The following RBFOX1 variants were observed in gnomAD, a reference collection of about 807,000 sequenced individuals.
RBFOX1 encodes RNA binding protein fox-1 homolog 1.
A neutral mutation model predicts 57.7 loss-of-function variants in RBFOX1; 8 were observed. The observed-to-expected ratio is 0.14, with a 90% CI of 0.08 to 0.25. The LOEUF (loss-of-function observed/expected upper bound fraction) is 0.25, where lower values mean the gene tolerates loss of function less well. Ranked by LOEUF, RBFOX1 falls within the 10% of genes least tolerant of loss-of-function variation. RBFOX1 has a pLI of 1.00. For synonymous variants in RBFOX1, 326 were observed against 222.4 expected (o/e 1.47, Z -4.15); for missense variants, 611 against 548.5 (o/e 1.11, Z -1.14).
intron 3 of RBFOX1, among the ~76,000 whole-genome samples, chr16:6,993,151 CTTTCTT>C (rs2091771657): frequency 6.6e-6 from 1 of 152,172 alleles, no homozygotes; most frequent in African/African-American, 2.4e-5. Context: ...GTAACACTGA[CTTTCTT>C]TTCTTTGTCT....
chr16:7,279,095 T>G (rs1020327767), intron 4 of RBFOX1, among the ~76,000 whole-genome samples: 5 of 151,948 alleles, frequency 3.3e-5, no homozygotes, highest in African/African-American at 1.2e-4. Context: ...GACTCTTTTT[T>G]TTTTTTAATG....
At position 6,780,270 on chromosome 16, in the gene RBFOX1, CATATATATATTTATACAT is replaced by C. The variant is rs1321569006; in HGVS notation, c.-16+125629_-16+125646del. On this transcript the variant is annotated intron_variant, in intron 3 of 15. Transcript: ENST00000550418. ...ATATATATTTATATATATATTTATA[CATATATATATTTATACAT>C]ATATATATTTATACATATATATATT... 6.9e-5 allele frequency among the ~76,000 whole-genome samples: 3 copies of C among 43,232 alleles called. 1 individual carries two copies. Among genetic ancestry groups the C allele is most frequent in the Middle Eastern group, 0.056 (2 of 36 alleles). 28.4% of individuals were successfully genotyped at this position (43,232 alleles called of 152,430 possible). A position where few individuals can be genotyped will look rare whatever the true frequency, so the allele number is the denominator to read the frequency against.
intron 2 of RBFOX1, among the ~76,000 whole-genome samples, chr16:6,409,838 C>G (rs1378689570): frequency 2.0e-5 from 3 of 152,158 alleles, no homozygotes; most frequent in Non-Finnish European, 4.4e-5. Context: ...TTCCGGAGAT[C>G]TGAGATAATC....
chr16:5,383,954 C>T (rs1044962556), intron 1 of RBFOX1, among the ~76,000 whole-genome samples: 1 of 152,190 alleles, frequency 6.6e-6, no homozygotes, highest in Non-Finnish European at 1.5e-5. Context: ...TCTTCTTTGC[C>T]TATTCTGCAT....
chr16:5,964,603 G>A (rs1016986350), intron 4 of RBFOX1, among the ~76,000 whole-genome samples: 1 of 151,460 alleles, frequency 6.6e-6, no homozygotes, highest in Non-Finnish European at 1.5e-5. Context: ...CTATATCTAT[G>A]TATATATATA....
chr16:6,703,413 A>G (rs1352461437), intron 3 of RBFOX1, among the ~76,000 whole-genome samples: 1 of 151,970 alleles, frequency 6.6e-6, no homozygotes, highest in Non-Finnish European at 1.5e-5. Flanking sequence ...ATCTCTACAG[A>G]AAATATAAAA....
At chr16:6,647,610 A>T (rs2098544367) in intron 2 of RBFOX1, among the ~76,000 whole-genome samples, 1 of 152,218 alleles carries the variant, frequency 6.6e-6, no homozygotes, top group Admixed American at 6.5e-5. Flanking sequence ...CCCATCTCCA[A>T]ATACAGCCAC....
intron 5 of RBFOX1, among the ~76,000 whole-genome samples, chr16:7,553,387 C>A (rs767840503): frequency 2.0e-5 from 3 of 152,224 alleles, no homozygotes; most frequent in Admixed American, 1.3e-4. Context: ...CCAAGTGATC[C>A]TCTAGCATTG....
intron 4 of RBFOX1, among the ~76,000 whole-genome samples, chr16:7,448,850 A>G (rs1265485685): frequency 6.6e-6 from 1 of 151,214 alleles, no homozygotes; most frequent in East Asian, 1.9e-4. Context: ...ATCCGGTATA[A>G]TCTCATCTTA....
chr16:7,403,483 C>T (rs959880077), intron 4 of RBFOX1, among the ~76,000 whole-genome samples: 3 of 151,644 alleles, frequency 2.0e-5, no homozygotes, highest in South Asian at 2.1e-4. Flanking sequence ...GATCTTACAG[C>T]GTTTGTCTTT....
chr16:5,471,906 C>T (rs138700823), intron 2 of RBFOX1, among the ~76,000 whole-genome samples: 7 of 152,226 alleles, frequency 4.6e-5, no homozygotes, highest in African/African-American at 7.2e-5. Flanking sequence ...CCCTCAGCCC[C>T]GCTTCATGCA....
intron 3 of RBFOX1, among the ~76,000 whole-genome samples, chr16:6,777,439 C>G (rs923973206): frequency 3.9e-5 from 6 of 152,142 alleles, no homozygotes; most frequent in African/African-American, 1.2e-4. Context: ...CCAAATAACA[C>G]TAGGTATCAG....
intron 1 of RBFOX1, among the ~76,000 whole-genome samples, chr16:5,384,568 A>G (rs115491262): frequency 1.4e-3 from 209 of 152,304 alleles, no homozygotes; most frequent in African/African-American, 4.9e-3. Context: ...GAGCCTAGAA[A>G]CAGAAGAAAT....
At chr16:5,623,855 T>G (rs2048270410) in intron 3 of RBFOX1, among the ~76,000 whole-genome samples, 1 of 152,190 alleles carries the variant, frequency 6.6e-6, no homozygotes, top group Non-Finnish European at 1.5e-5. Context: ...TCTATTGAGA[T>G]ATCATTCATA....
chr16:5,251,110 G>A (rs1194107489), intron 1 of RBFOX1, among the ~76,000 whole-genome samples: 13 of 144,396 alleles, frequency 9.0e-5, no homozygotes, highest in Admixed American at 8.5e-4. Flanking sequence ...ACTTGTCCCC[G>A]CAGACCCTGC....
At chr16:7,011,246 C>T (rs1279022108) in intron 3 of RBFOX1, among the ~76,000 whole-genome samples, 1 of 152,074 alleles carries the variant, frequency 6.6e-6, no homozygotes, top group Non-Finnish European at 1.5e-5. Context: ...AGGGCTTTTG[C>T]AACATTAACT....
intron 1 of RBFOX1, among the ~76,000 whole-genome samples, chr16:6,221,500 A>G (rs895253239): frequency 1.3e-5 from 2 of 152,230 alleles, no homozygotes; most frequent in African/African-American, 4.8e-5. Context: ...ACTGTATTGT[A>G]TAATTTCAAT....
At chr16:6,896,152 A>G (rs1160861770) in intron 3 of RBFOX1, among the ~76,000 whole-genome samples, 1 of 152,138 alleles carries the variant, frequency 6.6e-6, no homozygotes, top group Non-Finnish European at 1.5e-5. Context: ...GGGTGTCTGT[A>G]ATCCCAGCTA....
intron 4 of RBFOX1, among the ~76,000 whole-genome samples, chr16:7,068,550 C>T (rs2056649035): frequency 6.6e-6 from 1 of 152,112 alleles, no homozygotes. Context: ...AGAATGTCTA[C>T]CATAATAGTA....
Sources: gnomAD v4.1 joint callset for allele counts (sites outside exome capture counted in the v4.1 genomes callset) on GRCh38, gnomAD v4.1.1 for gene constraint, MANE v1.5 for transcripts, NCBI Gene and HGNC (gene_info 2026-07-23, HGNC 2026-07-21) for gene names.